DCDC1: variants seen among roughly 807,000 people sequenced by gnomAD.
DCDC1 encodes doublecortin domain-containing protein 1.
Under a neutral mutation model 178.3 loss-of-function variants are expected in DCDC1, and 200 were observed. The observed-to-expected ratio is 1.12, with a 90% CI of 1.00 to 1.26. The LOEUF (loss-of-function observed/expected upper bound fraction) is 1.26, where lower values mean the gene tolerates loss of function less well. Among genes scored for constraint, DCDC1 ranks in the 50% most tolerant of loss-of-function variants. The pLI is 0.00. For missense variants in DCDC1, 1,983 were observed against 1,749.2 expected (o/e 1.13, Z -2.38); for synonymous variants, 690 against 604.8 (o/e 1.14, Z -2.07).
chr11:31,266,688 G>A (rs955952331), intron 7 of DCDC1, among the ~76,000 whole-genome samples: 7 of 152,094 alleles, frequency 4.6e-5, no homozygotes, highest in African/African-American at 1.7e-4. Flanking sequence ...TTCAGTTGCC[G>A]ATACTACCTG....
At chr11:31,106,068 C>G (rs962032589) in intron 13 of DCDC1, among the ~76,000 whole-genome samples, 3 of 152,182 alleles carry the variant, frequency 2.0e-5, no homozygotes, top group Non-Finnish European at 4.4e-5. Flanking sequence ...TTGAAAACAA[C>G]AGCCCAGCTC....
At chr11:31,107,581 A>C (rs1958934426) in intron 12 of DCDC1, among the ~76,000 whole-genome samples, 1 of 152,204 alleles carries the variant, frequency 6.6e-6, no homozygotes, top group Non-Finnish European at 1.5e-5. Flanking sequence ...GCTGTCATTT[A>C]ATATTTAAGA....
intron 3 of DCDC1, among the ~76,000 whole-genome samples, chr11:31,321,375 C>G (rs1394351554): frequency 2.8e-5 from 4 of 142,090 alleles, no homozygotes. Context: ...TTTCTTAAGC[C>G]GGTCTGAAAA....
At chr11:31,280,360 G>T (rs1946337548) in intron 7 of DCDC1, among the ~76,000 whole-genome samples, 2 of 152,140 alleles carry the variant, frequency 1.3e-5, no homozygotes, top group African/African-American at 4.8e-5. Context: ...CCAATCACCA[G>T]TAAGTTTTAA....
chr11:30,924,798 C>T (rs1236433890), intron 23 of DCDC1, among the ~76,000 whole-genome samples: 2 of 151,998 alleles, frequency 1.3e-5, no homozygotes, highest in Non-Finnish European at 1.5e-5. Context: ...TTCGGCCGGG[C>T]GCGGTGGCCC....
chr11:31,310,574 C>A (rs559599224), intron 3 of DCDC1, among the ~76,000 whole-genome samples: 2 of 151,962 alleles, frequency 1.3e-5, no homozygotes, highest in African/African-American at 4.8e-5. Flanking sequence ...CCACCTTGGC[C>A]TCTCAAAGTG....
Position 31,262,989 on chromosome 11 carries a change from C to T in DCDC1, c.1054+2518G>A. On this transcript the variant is annotated intron_variant, in intron 8 of 38. Transcript: ENST00000684477. ...CATGCATTAAAATGTGATAATAGCA[C>T]ACTTCTGGGATACGTGAAGCACGAG... 2.6e-6 allele frequency: 4 copies of T among 1,559,418 alleles called. No individual in the cohort carries two copies. The South Asian group carries it at 4.7e-5, about 18-fold the overall frequency.
intron 9 of DCDC1, among the ~76,000 whole-genome samples, chr11:31,205,104 G>A (rs1971719325): frequency 6.6e-6 from 1 of 152,144 alleles, no homozygotes. Flanking sequence ...CCTTCCTGCT[G>A]GAGGAATTCT....
chr11:31,085,740 C>T (rs1957434364), intron 17 of DCDC1, among the ~76,000 whole-genome samples: 1 of 151,974 alleles, frequency 6.6e-6, no homozygotes, highest in African/African-American at 2.4e-5. Flanking sequence ...CAGGGTCTCG[C>T]TCTGTCACTC....
chr11:31,194,422 T>C (rs1041200898), intron 9 of DCDC1, among the ~76,000 whole-genome samples: 16 of 152,074 alleles, frequency 1.1e-4, no homozygotes, highest in African/African-American at 3.9e-4. Context: ...TTAGAAAATA[T>C]GGACAAGGAT....
chr11:31,100,723 G>A (rs1429372860), intron 15 of DCDC1, among the ~76,000 whole-genome samples: 9 of 152,154 alleles, frequency 5.9e-5, no homozygotes, highest in East Asian at 1.9e-4. Context: ...AGTTGAGAGC[G>A]GAGGTAGATT....
At chr11:31,009,177 C>T (rs1952025049) in intron 20 of DCDC1, among the ~76,000 whole-genome samples, 1 of 151,974 alleles carries the variant, frequency 6.6e-6, no homozygotes, top group Non-Finnish European at 1.5e-5. Context: ...ATTACAAATC[C>T]AAATAAATCA....
intron 20 of DCDC1, among the ~76,000 whole-genome samples, chr11:31,011,306 A>G (rs1184555165): frequency 6.6e-6 from 1 of 152,228 alleles, no homozygotes; most frequent in African/African-American, 2.4e-5. Flanking sequence ...ATATTCATAA[A>G]TCTTACTAAA....
chr11:30,888,114 G>C lies in DCDC1; in HGVS notation c.5082+4704C>G, dbSNP rs1437119463. Among the ~76,000 whole-genome samples the C allele has an allele frequency of 4.0e-5, 5 of 125,178 alleles. No homozygotes were observed. The Admixed American group carries it at 4.7e-4, about 12-fold the overall frequency. The allele number at this position is 125,178 out of a possible 152,430, so 82.1% of individuals were successfully genotyped here. On this transcript the variant is annotated intron_variant, in intron 36 of 38. Coordinates refer to ENST00000684477, the MANE Select transcript of DCDC1 (RefSeq NM_001387274.1). ...AAAGAAAGAAAAAGAAAGAAAGAAA[G>C]AAAGAAAGAAAGAAAGAAAGAAAGA...
intron 21 of DCDC1, among the ~76,000 whole-genome samples, chr11:30,937,951 A>G (rs1016240528): frequency 6.6e-6 from 1 of 151,974 alleles, no homozygotes; most frequent in Non-Finnish European, 1.5e-5. Context: ...GCCTGATCCT[A>G]AACTCTCCTC....
Position 31,226,134 on chromosome 11 carries a change from A to G in DCDC1, c.1221+15316T>C, listed in dbSNP as rs80190620. ...CTCTTATATTTGGAATTTTGAAACT[A>G]TAATGACTTAATTCCAGGCAAGCTG... On this transcript the variant is annotated intron_variant, in intron 9 of 38. Transcript: ENST00000684477. 4.5e-3 allele frequency among the ~76,000 whole-genome samples: 682 copies of G among 152,218 alleles called. 6 individuals are homozygous for G. The highest frequency in any genetic ancestry group is 0.016 in the African/African-American group (658 of 41,558).
At chr11:30,950,079 A>C (rs1948325210) in intron 21 of DCDC1, among the ~76,000 whole-genome samples, 1 of 152,174 alleles carries the variant, frequency 6.6e-6, no homozygotes, top group Non-Finnish European at 1.5e-5. Flanking sequence ...GTATATGCAA[A>C]AATGCTCAAT....
At chr11:31,261,244 C>T (rs975784975) in intron 8 of DCDC1, among the ~76,000 whole-genome samples, 2 of 152,100 alleles carry the variant, frequency 1.3e-5, no homozygotes, top group African/African-American at 2.4e-5. Context: ...CTCTGAGATG[C>T]CTACCCAGGC....
chr11:31,122,248 T>C (rs1960919309), intron 11 of DCDC1, among the ~76,000 whole-genome samples: 1 of 152,128 alleles, frequency 6.6e-6, no homozygotes, highest in Non-Finnish European at 1.5e-5. Flanking sequence ...ACCACCACCA[T>C]CACGAATTCT....
Sources: gnomAD v4.1 joint callset for allele counts (sites outside exome capture counted in the v4.1 genomes callset) on GRCh38, gnomAD v4.1.1 for gene constraint, MANE v1.5 for transcripts, NCBI Gene and HGNC (gene_info 2026-07-23, HGNC 2026-07-21) for gene names.